SHANK2: variants seen among roughly 807,000 people sequenced by gnomAD.
SHANK2 encodes SH3 and multiple ankyrin repeat domains 2.
A neutral mutation model predicts 133.7 loss-of-function variants in SHANK2; 43 were observed. The ratio of observed to expected loss-of-function variants is 0.32; its 90% CI spans 0.25 to 0.41. The LOEUF (loss-of-function observed/expected upper bound fraction) is 0.41. Among genes scored for constraint, SHANK2 ranks in the 10% least tolerant of loss-of-function variants. The pLI, the probability that SHANK2 is intolerant of heterozygous loss-of-function variation, is 1.00. For synonymous variants in SHANK2, 1,017 were observed against 952.8 expected, an observed-to-expected ratio of 1.07 and a Z score of -1.24; for missense variants, 1,994 against 2,235.8, an observed-to-expected ratio of 0.89 and a Z score of 2.18.
chr11:70,925,462 C>T (rs1950415242), intron 10 of SHANK2, among the ~76,000 whole-genome samples: 1 of 152,156 alleles, frequency 6.6e-6, no homozygotes, highest in Non-Finnish European at 1.5e-5. Context: ...GGTGCCCCAC[C>T]CCATGTGTCC....
At chr11:71,110,084 A>G (rs1555098845) in intron 5 of SHANK2, 35 bp from the exon 6 acceptor site, 1 of 1,439,262 alleles carries the variant, frequency 6.9e-7, no homozygotes. Context: ...AAACATCTTT[A>G]TAAGAAATGT....
chr11:70,546,748 G>T (rs1479410555), intron 17 of SHANK2, among the ~76,000 whole-genome samples: 1 of 152,190 alleles, frequency 6.6e-6, no homozygotes, highest in Admixed American at 6.5e-5. Flanking sequence ...CTGGGAACAA[G>T]GGGGAACAAT....
intron 14 of SHANK2, among the ~76,000 whole-genome samples, chr11:70,734,755 G>A (rs1946366164): frequency 2.0e-5 from 3 of 152,342 alleles, no homozygotes; most frequent in Admixed American, 2.0e-4. Flanking sequence ...CTGGGGACCA[G>A]CCAGTGTTAC....
intron 10 of SHANK2, among the ~76,000 whole-genome samples, chr11:70,931,140 C>G (rs1189191542): frequency 2.6e-5 from 4 of 152,188 alleles, no homozygotes; most frequent in African/African-American, 9.7e-5. Flanking sequence ...TACATGATTC[C>G]ATTCACATGA....
At chr11:71,130,938 AT>A (rs1555103560) in intron 3 of SHANK2, among the ~76,000 whole-genome samples, 1 of 152,234 alleles carries the variant, frequency 6.6e-6, no homozygotes, top group African/African-American at 2.4e-5. Flanking sequence ...CACGTCATTC[AT>A]TACAAAGAAG....
At chr11:70,757,808 C>T (rs1946905623) in intron 14 of SHANK2, among the ~76,000 whole-genome samples, 1 of 152,066 alleles carries the variant, frequency 6.6e-6, no homozygotes, top group African/African-American at 2.4e-5. Flanking sequence ...GGGTGGGGTC[C>T]CCCGACACAC....
At chr11:70,605,981 AAGTACCCTC>A (rs2136350144) in intron 17 of SHANK2, among the ~76,000 whole-genome samples, 1 of 152,238 alleles carries the variant, frequency 6.6e-6, no homozygotes, top group South Asian at 2.1e-4. Context: ...AGATGGCATG[AAGTACCCTC>A]AGTTAAGAAT....
At chr11:70,937,850 A>G (rs1271715217) in intron 10 of SHANK2, among the ~76,000 whole-genome samples, 4 of 151,456 alleles carry the variant, frequency 2.6e-5, no homozygotes, top group Admixed American at 1.3e-4. Flanking sequence ...GCAGAATCTC[A>G]CAAAAACCTA....
chr11:70,679,272 G>A (rs1944974251), intron 15 of SHANK2, among the ~76,000 whole-genome samples: 1 of 152,210 alleles, frequency 6.6e-6, no homozygotes, highest in Non-Finnish European at 1.5e-5. Flanking sequence ...CTGCGGCTCA[G>A]AAAGGTCCAG....
At chr11:70,532,810 G>C (rs11236568) in intron 17 of SHANK2, among the ~76,000 whole-genome samples, 148,679 of 152,254 alleles carry the variant, frequency 0.98, 72,714 homozygotes, top group East Asian at 1. Flanking sequence ...ACGTGCGCAT[G>C]AGTGTCCACA....
chr11:70,609,095 G>A (rs911722849), intron 17 of SHANK2, among the ~76,000 whole-genome samples: 1 of 152,336 alleles, frequency 6.6e-6, no homozygotes, highest in East Asian at 1.9e-4. Context: ...GCAAGTGGTC[G>A]CGTTGTTTGT....
intron 11 of SHANK2, among the ~76,000 whole-genome samples, chr11:70,867,578 G>A (rs1006061639): frequency 4.6e-5 from 7 of 152,230 alleles, no homozygotes; most frequent in Non-Finnish European, 1.0e-4. Flanking sequence ...CCAGGCCACC[G>A]GCTCGTGAAT....
chr11:70,623,792 A>G (rs2060866578), intron 17 of SHANK2, among the ~76,000 whole-genome samples: 1 of 152,196 alleles, frequency 6.6e-6, no homozygotes, highest in Non-Finnish European at 1.5e-5. Context: ...AGCACATGGG[A>G]CATTTCCAGA....
At chr11:71,171,672 C>T (rs1555112218) in intron 2 of SHANK2, among the ~76,000 whole-genome samples, 1 of 152,156 alleles carries the variant, frequency 6.6e-6, no homozygotes, top group Non-Finnish European at 1.5e-5. Flanking sequence ...CCTCCAGTCC[C>T]CTCAGACTTA....
intron 17 of SHANK2, among the ~76,000 whole-genome samples, chr11:70,555,797 T>C (rs1222014873): frequency 6.6e-6 from 1 of 152,204 alleles, no homozygotes; most frequent in Non-Finnish European, 1.5e-5. Flanking sequence ...AGCATCCTCA[T>C]TGCTGAAATG....
At chr11:70,742,588 C>T (rs564994525) in intron 14 of SHANK2, among the ~76,000 whole-genome samples, 2 of 152,186 alleles carry the variant, frequency 1.3e-5, no homozygotes, top group African/African-American at 4.8e-5. Context: ...CACGCCACCC[C>T]CCACCCGGCT....
chr11:70,681,843 C>T (rs1945035599), intron 15 of SHANK2, among the ~76,000 whole-genome samples: 1 of 152,106 alleles, frequency 6.6e-6, no homozygotes, highest in Non-Finnish European at 1.5e-5. Flanking sequence ...CAGAAACCAC[C>T]TCCAGAGATC....
At chr11:71,130,269 G>C (rs535789083) in intron 3 of SHANK2, among the ~76,000 whole-genome samples, 1 of 152,314 alleles carries the variant, frequency 6.6e-6, no homozygotes, top group East Asian at 1.9e-4. Flanking sequence ...CCACCTGCCT[G>C]TGTTGGGACA....
intron 13 of SHANK2, among the ~76,000 whole-genome samples, chr11:70,800,096 G>GC (rs1357720637): frequency 1.3e-5 from 2 of 151,922 alleles, no homozygotes; most frequent in African/African-American, 2.4e-5. Flanking sequence ...TCATCACAGC[G>GC]CACTGCAGCC....
Sources: gnomAD v4.1 joint callset for allele counts (sites outside exome capture counted in the v4.1 genomes callset) on GRCh38, gnomAD v4.1.1 for gene constraint, MANE v1.5 for transcripts, NCBI Gene and HGNC (gene_info 2026-07-23, HGNC 2026-07-21) for gene names.